CCDC148: variants seen among roughly 807,000 people sequenced by gnomAD.
CCDC148 encodes coiled-coil domain containing 148.
CCDC148 carries 89 observed loss-of-function variants against 85.7 expected under a neutral mutation model. That is an observed-to-expected ratio of 1.04 (90% CI 0.87 to 1.24). The LOEUF (loss-of-function observed/expected upper bound fraction) is 1.24, where lower values mean the gene tolerates loss of function less well. Among genes scored for constraint, CCDC148 ranks in the 50% most tolerant of loss-of-function variants. The pLI is 0.00. For missense variants in CCDC148, 692 were observed against 671.7 expected (o/e 1.03, Z -0.33); for synonymous variants, 230 against 213.9 (o/e 1.08, Z -0.66).
chr2:158,370,982 T>C (rs1331584805), intron 1 of CCDC148, among the ~76,000 whole-genome samples: 1 of 151,966 alleles, frequency 6.6e-6, no homozygotes, highest in African/African-American at 2.4e-5. Flanking sequence ...AGGATTATAC[T>C]TAATTTTGAT....
At chr2:158,287,693 GGCT>G (rs1690693967) in intron 9 of CCDC148, among the ~76,000 whole-genome samples, 2 of 152,268 alleles carry the variant, frequency 1.3e-5, no homozygotes, top group Admixed American at 6.5e-5. Flanking sequence ...GCCTCCTTCC[GGCT>G]GCTTTCACGG....
intron 1 of CCDC148, among the ~76,000 whole-genome samples, chr2:158,366,692 A>G (rs1288450807): frequency 6.6e-6 from 1 of 152,136 alleles, no homozygotes; most frequent in Non-Finnish European, 1.5e-5. Flanking sequence ...TTTGCTCTGG[A>G]GCTTCCTGCC....
At position 158,357,703 on chromosome 2, in the gene CCDC148, T is replaced by C. The variant is rs550635006; in HGVS notation, c.147+746A>G. Among the ~76,000 whole-genome samples the C allele has an allele frequency of 1.8e-4, 27 of 152,278 alleles. No individual in the cohort carries two copies. In the East Asian group the frequency reaches 4.4e-3, roughly 25 times the overall value. On this transcript the variant is annotated intron_variant, in intron 2 of 13. Coordinates refer to ENST00000283233, the MANE Select transcript of CCDC148 (RefSeq NM_138803.4). ...TGAATATACGGTAATCTCTCCAGAATAGAGTATCAAATGTGCTTTGAAATA... is the reference window on the plus strand; with the variant it reads ...TGAATATACGGTAATCTCTCCAGAACAGAGTATCAAATGTGCTTTGAAATA...
chr2:158,330,973 T>C (rs979450321), intron 7 of CCDC148, among the ~76,000 whole-genome samples: 11 of 152,182 alleles, frequency 7.2e-5, no homozygotes, highest in Admixed American at 5.2e-4. Context: ...CCTGGATTCA[T>C]TGATTTTTTG....
chr2:158,224,041 G>A (rs938506751), intron 10 of CCDC148, among the ~76,000 whole-genome samples: 4 of 152,046 alleles, frequency 2.6e-5, no homozygotes, highest in African/African-American at 7.2e-5. Context: ...GAGGAAGTTC[G>A]AACCATGGCA....
At chr2:158,327,881 A>C (rs895933697) in intron 7 of CCDC148, among the ~76,000 whole-genome samples, 4 of 152,110 alleles carry the variant, frequency 2.6e-5, no homozygotes, top group Admixed American at 2.6e-4. Context: ...ATTCCCAAAT[A>C]TTCTATATTT....
At chr2:158,225,217 C>T (rs1220629181) in intron 10 of CCDC148, among the ~76,000 whole-genome samples, 5 of 152,122 alleles carry the variant, frequency 3.3e-5, no homozygotes, top group African/African-American at 9.7e-5. Flanking sequence ...AAGGCCATTA[C>T]ATAATAGTAA....
At chr2:158,280,354 C>T (rs1210920928) in intron 9 of CCDC148, among the ~76,000 whole-genome samples, 1 of 151,986 alleles carries the variant, frequency 6.6e-6, no homozygotes. Context: ...GAGTCAAGAC[C>T]CATCAGTGTG....
chr2:158,285,633 C>G (rs1352439752), intron 9 of CCDC148, among the ~76,000 whole-genome samples: 1 of 151,594 alleles, frequency 6.6e-6, no homozygotes, highest in Non-Finnish European at 1.5e-5. Flanking sequence ...CGGGTTCACA[C>G]CATTCTCCTG....
chr2:158,451,173 C>T (rs1415147861), intron 1 of CCDC148, among the ~76,000 whole-genome samples: 2 of 151,670 alleles, frequency 1.3e-5, no homozygotes, highest in East Asian at 1.9e-4. Context: ...ATTTAGAGTC[C>T]ATATTTGTTG....
intron 1 of CCDC148, among the ~76,000 whole-genome samples, chr2:158,434,136 C>T (rs751702142): frequency 7.2e-5 from 11 of 152,176 alleles, no homozygotes; most frequent in South Asian, 2.1e-4. Context: ...TCTCCCAGCA[C>T]GCAGCTTGAG....
At chr2:158,454,877 G>T (rs575446132) in intron 1 of CCDC148, among the ~76,000 whole-genome samples, 1 of 152,186 alleles carries the variant, frequency 6.6e-6, no homozygotes, top group South Asian at 2.1e-4. Flanking sequence ...CTTATTTCAG[G>T]GGACATTATT....
At chr2:158,212,776 C>G (rs1348232314) in intron 11 of CCDC148, among the ~76,000 whole-genome samples, 1 of 152,048 alleles carries the variant, frequency 6.6e-6, no homozygotes, top group East Asian at 1.9e-4. Context: ...AAATAACACG[C>G]AAAATTTTTA....
At chr2:158,275,736 GA>G (rs11291236) in intron 9 of CCDC148, among the ~76,000 whole-genome samples, 70,858 of 146,760 alleles carry the variant, frequency 0.48, 16,935 homozygotes, top group South Asian at 0.63. Flanking sequence ...AATTTAAATT[GA>G]AAAAAAAAAA....
intron 1 of CCDC148, among the ~76,000 whole-genome samples, chr2:158,367,787 C>T (rs1439632541): frequency 1.3e-5 from 2 of 152,086 alleles, no homozygotes; most frequent in African/African-American, 2.4e-5. Flanking sequence ...ATATATAAAT[C>T]ATGTATAATT....
At chr2:158,207,094 T>C (rs1448311933) in intron 11 of CCDC148, among the ~76,000 whole-genome samples, 1 of 152,214 alleles carries the variant, frequency 6.6e-6, no homozygotes, top group East Asian at 1.9e-4. Context: ...TGGATTTTCT[T>C]TCACTATACA....
At chr2:158,379,634 A>G (rs1684789131) in intron 1 of CCDC148, among the ~76,000 whole-genome samples, 1 of 152,108 alleles carries the variant, frequency 6.6e-6, no homozygotes, top group Admixed American at 6.6e-5. Context: ...CAGCTACCCC[A>G]ACCTTCCTCA....
chr2:158,288,003 C>T (rs1459412289), intron 9 of CCDC148, among the ~76,000 whole-genome samples: 2 of 152,208 alleles, frequency 1.3e-5, no homozygotes, highest in African/African-American at 4.8e-5. Context: ...CCTCTGTGCA[C>T]CCGCAGGCTT....
chr2:158,295,313 C>T (rs1210416024), intron 9 of CCDC148, among the ~76,000 whole-genome samples: 1 of 152,084 alleles, frequency 6.6e-6, no homozygotes, highest in Non-Finnish European at 1.5e-5. Flanking sequence ...GAACTGGAAC[C>T]ATTCCCTCTG....
Sources: gnomAD v4.1 joint callset for allele counts (sites outside exome capture counted in the v4.1 genomes callset) on GRCh38, gnomAD v4.1.1 for gene constraint, MANE v1.5 for transcripts, NCBI Gene and HGNC (gene_info 2026-07-23, HGNC 2026-07-21) for gene names.